Variants in LARGE1 observed in about 807,000 individuals in gnomAD.
LARGE1 encodes LARGE xylosyl- and glucuronyltransferase 1, also known as xylosyl- and glucuronyltransferase LARGE1.
LARGE1 carries 43 observed loss-of-function variants against 87.6 expected under a neutral mutation model. The ratio of observed to expected loss-of-function variants is 0.49; its 90% confidence interval spans 0.38 to 0.63. The LOEUF (loss-of-function observed/expected upper bound fraction) is 0.63, where lower values mean the gene tolerates loss of function less well. Ranked by LOEUF, LARGE1 falls within the 30% of genes least tolerant of loss-of-function variation. The pLI is 0.00. For missense variants in LARGE1, 802 were observed against 1,000.2 expected (o/e 0.80, Z 2.67); for synonymous variants, 434 against 394.6 (o/e 1.10, Z -1.18).
At chr22:33,873,021 C>T (rs1432981620) in intron 1 of LARGE1, 1 of 152,122 alleles carries the variant, frequency 6.6e-6, no homozygotes, top group Non-Finnish European at 1.5e-5. Flanking sequence ...ATAAATAAAG[C>T]CATGGAAGTG....
the LARGE1 span, among the ~76,000 whole-genome samples, chr22:33,138,053 G>A: frequency 8.9e-3 from 1,349 of 152,274 alleles, 28 homozygotes; most frequent in African/African-American, 0.031. Flanking sequence ...CTGACAGCTT[G>A]CAGCATGTGC....
At chr22:33,897,303 G>A (rs1051857161) in intron 1 of LARGE1, among the ~76,000 whole-genome samples, 3 of 152,070 alleles carry the variant, frequency 2.0e-5, no homozygotes, top group African/African-American at 4.8e-5. Flanking sequence ...CTACTCCTCC[G>A]CTTTTATTTT....
At chr22:33,103,131 C>T in the LARGE1 span, among the ~76,000 whole-genome samples, 3 of 151,970 alleles carry the variant, frequency 2.0e-5, no homozygotes, top group African/African-American at 7.2e-5. Context: ...GACACATTCA[C>T]TTTAAAAAGG....
chr22:33,127,562 T>C, the LARGE1 span, among the ~76,000 whole-genome samples: 1 of 152,218 alleles, frequency 6.6e-6, no homozygotes, highest in East Asian at 1.9e-4. Flanking sequence ...AAATATTTCA[T>C]CTCTAGTTCT....
At chr22:33,189,758 A>G (rs1198961426) in intron 11 of LARGE1, among the ~76,000 whole-genome samples, 1 of 152,208 alleles carries the variant, frequency 6.6e-6, no homozygotes, top group Non-Finnish European at 1.5e-5. Context: ...GAGAGGGCAC[A>G]GACTGTTCCA....
intron 11 of LARGE1, among the ~76,000 whole-genome samples, chr22:33,208,425 C>T (rs1924791283): frequency 6.6e-6 from 1 of 152,194 alleles, no homozygotes; most frequent in Admixed American, 6.5e-5. Context: ...TACAAGGTAA[C>T]TATGTCACAA....
intron 12 of LARGE1, 82 bp from the exon 13 acceptor site, chr22:33,283,430 T>G: frequency 6.7e-7 from 1 of 1,497,884 alleles, no homozygotes; most frequent in Non-Finnish European, 9.3e-7. Context: ...GGGGTGGTCA[T>G]TGGCCCGGGG....
intron 5 of LARGE1, among the ~76,000 whole-genome samples, chr22:33,601,834 C>T (rs969681235): frequency 5.9e-5 from 9 of 152,154 alleles, no homozygotes; most frequent in South Asian, 4.2e-4. Context: ...GTATTTATTT[C>T]GGATGTATAT....
intron 11 of LARGE1, among the ~76,000 whole-genome samples, chr22:33,176,793 A>C (rs899138298): frequency 8.5e-5 from 13 of 152,206 alleles, no homozygotes; most frequent in African/African-American, 3.1e-4. Flanking sequence ...TTGATCCAGC[A>C]ATCTCATTAC....
chr22:33,076,732 T>C, the LARGE1 span, among the ~76,000 whole-genome samples: 1 of 152,172 alleles, frequency 6.6e-6, no homozygotes, highest in Non-Finnish European at 1.5e-5. Flanking sequence ...ATAAACAAAA[T>C]AAACACAGAT....
At chr22:33,131,649 G>A in the LARGE1 span, among the ~76,000 whole-genome samples, 7 of 152,130 alleles carry the variant, frequency 4.6e-5, no homozygotes, top group Non-Finnish European at 8.8e-5. Context: ...TCAGATCTGT[G>A]AGACGTAATC....
In LARGE1 at chr22:33,432,153, G is replaced by A. The variant is rs2067103192; in HGVS notation, c.892+8C>T. 1 of 1,608,424 alleles carries A rather than the reference G, an allele frequency of 6.2e-7. No individual in the cohort carries two copies. The highest frequency in any genetic ancestry group is 1.7e-5 in the Admixed American group (1 of 60,010). On this transcript the variant is annotated splice_region_variant and intron_variant, in intron 7 of 14. Coordinates refer to ENST00000397394, the MANE Select transcript of LARGE1 (RefSeq NM_133642.5). ...TGCAACTCTTCCCATACCACCCTGA[G>A]GATTTACCTGTGTTGTAGCCTCTTC... is the stretch of plus-strand genomic sequence containing the variant.
intron 1 of LARGE1, among the ~76,000 whole-genome samples, chr22:33,768,375 T>A (rs2084967773): frequency 6.6e-6 from 1 of 152,008 alleles, no homozygotes; most frequent in Admixed American, 6.6e-5. Flanking sequence ...TTATTTATAT[T>A]ACTGTCATTA....
At chr22:33,873,872 C>T (rs1276685362) in intron 1 of LARGE1, among the ~76,000 whole-genome samples, 1 of 151,818 alleles carries the variant, frequency 6.6e-6, no homozygotes, top group Non-Finnish European at 1.5e-5. Flanking sequence ...GTTTCACCTT[C>T]CTCCACCTCT....
chr22:33,911,863 G>C (rs16993271), intron 1 of LARGE1, among the ~76,000 whole-genome samples: 14 of 152,278 alleles, frequency 9.2e-5, no homozygotes, highest in African/African-American at 3.4e-4. Context: ...GCTGCTAGGA[G>C]ACGCCTTGAG....
At chr22:33,487,894 A>G (rs2069656898) in intron 6 of LARGE1, among the ~76,000 whole-genome samples, 1 of 152,156 alleles carries the variant, frequency 6.6e-6, no homozygotes, top group South Asian at 2.1e-4. Flanking sequence ...ATGAATATTA[A>G]ATAATTGTTA....
At chr22:33,781,510 T>A in intron 1 of LARGE1, among the ~76,000 whole-genome samples, 1 of 151,934 alleles carries the variant, frequency 6.6e-6, no homozygotes. Context: ...TAAAAAAAAA[T>A]TCACACTGAC....
chr22:33,890,992 G>A (rs1213509491), intron 1 of LARGE1, among the ~76,000 whole-genome samples: 2 of 151,620 alleles, frequency 1.3e-5, no homozygotes, highest in African/African-American at 2.4e-5. Context: ...ACCTGTCCCC[G>A]AAGCTACCCT....
At chr22:33,634,023 A>G (rs1376816423) in intron 3 of LARGE1, among the ~76,000 whole-genome samples, 1 of 152,216 alleles carries the variant, frequency 6.6e-6, no homozygotes, top group Non-Finnish European at 1.5e-5. Flanking sequence ...TAAAACGGAG[A>G]TAAAAACAGC....
Sources: gnomAD v4.1 joint callset for allele counts (sites outside exome capture counted in the v4.1 genomes callset) on GRCh38, gnomAD v4.1.1 for gene constraint, MANE v1.5 for transcripts, NCBI Gene and HGNC (gene_info 2026-07-23, HGNC 2026-07-21) for gene names.